CNOT6L: variants seen among roughly 807,000 people sequenced by gnomAD.
CNOT6L encodes the protein CCR4-NOT transcription complex subunit 6-like.
CNOT6L carries 7 observed loss-of-function variants against 64.0 expected under a neutral mutation model. The ratio of observed to expected loss-of-function variants is 0.11; its 90% CI spans 0.06 to 0.21. The LOEUF is 0.21. Among genes scored for constraint, CNOT6L ranks in the 10% least tolerant of loss-of-function variants. The pLI is 1.00. For synonymous variants in CNOT6L, 193 were observed against 243.4 expected (o/e 0.79, Z 1.93); for missense variants, 245 against 669.0 (o/e 0.37, Z 6.99).
At chr4:77,810,495 G>T (rs994656954) in intron 1 of CNOT6L, among the ~76,000 whole-genome samples, 3 of 151,886 alleles carry the variant, frequency 2.0e-5, no homozygotes, top group Non-Finnish European at 4.4e-5. Context: ...TATGGCAAAG[G>T]TTTGCTTACT....
At chr4:77,740,248 G>A (rs1242056909) in intron 8 of CNOT6L, among the ~76,000 whole-genome samples, 2 of 152,094 alleles carry the variant, frequency 1.3e-5, no homozygotes, top group East Asian at 3.9e-4. Flanking sequence ...GCATGCACGT[G>A]TAGTCTCAGC....
rs1324301504 is a variant in CNOT6L at position 77,717,951 on chromosome 4, CA to C, written c.*2479del. 2.6e-5 allele frequency: 4 copies of C among 152,492 alleles called. No homozygotes were observed. Among genetic ancestry groups the C allele is most frequent in the Non-Finnish European group, 1.5e-5 (1 of 68,002 alleles). 9.4% of individuals were successfully genotyped at this position (152,492 alleles called of 1,614,324 possible). A position where few individuals can be genotyped will look rare whatever the true frequency, so the allele number is the denominator to read the frequency against. On this transcript the variant is annotated 3_prime_UTR_variant, in exon 12 of 12. Coordinates refer to ENST00000504123, the MANE Select transcript of CNOT6L (RefSeq NM_144571.3). ...ATGGTTTGAAAGAGCGCATTTGAAG[CA>C]GAGAGAACCCAATTACACACCTTCC...
chr4:77,787,334 G>A (rs562299706), intron 1 of CNOT6L, among the ~76,000 whole-genome samples: 2 of 152,080 alleles, frequency 1.3e-5, no homozygotes, highest in South Asian at 2.1e-4. Flanking sequence ...TCCTTCATTC[G>A]CTTTTATTTT....
intron 9 of CNOT6L, 138 bp from the exon 10 acceptor site, chr4:77,729,219 A>C: frequency 2.3e-5 from 15 of 651,866 alleles, no homozygotes; most frequent in Non-Finnish European, 3.5e-5. Flanking sequence ...CTTTTATCTC[A>C]TAAAGTAATT....
At chr4:77,726,455 C>A in intron 10 of CNOT6L, 86 bp from the exon 11 acceptor site, 2 of 1,055,822 alleles carry the variant, frequency 1.9e-6, no homozygotes, top group Non-Finnish European at 2.7e-6. Context: ...CAGGTTAATC[C>A]ACCAGGCTCA....
chr4:77,779,473 G>A (rs981850526), intron 1 of CNOT6L, among the ~76,000 whole-genome samples: 1 of 151,674 alleles, frequency 6.6e-6, no homozygotes, highest in South Asian at 2.1e-4. Flanking sequence ...ATATTATATA[G>A]AACTAGATTT....
At chr4:77,751,600 G>A (rs1272303387) in intron 5 of CNOT6L, among the ~76,000 whole-genome samples, 4 of 152,074 alleles carry the variant, frequency 2.6e-5, no homozygotes, top group Middle Eastern at 3.2e-3. Flanking sequence ...AAGACAGATC[G>A]TAACTAAACT....
At chr4:77,779,063 C>CAAAAAAAAAAAAAAAAAAAAAA (rs879638003) in intron 1 of CNOT6L, among the ~76,000 whole-genome samples, 1 of 71,272 alleles carries the variant, frequency 1.4e-5, no homozygotes. Context: ...AAAAAAAAAA[C>CAAAAAAAAAAAAAAAAAAAAAA]AAAAAAAAAA....
intron 1 of CNOT6L, among the ~76,000 whole-genome samples, chr4:77,798,193 T>C (rs946326829): frequency 6.6e-6 from 1 of 152,144 alleles, no homozygotes; most frequent in African/African-American, 2.4e-5. Context: ...CAGGAGCCTA[T>C]AGTCCTAGTT....
At chr4:77,756,619 A>G (rs1273682649) in intron 5 of CNOT6L, among the ~76,000 whole-genome samples, 4 of 152,236 alleles carry the variant, frequency 2.6e-5, no homozygotes, top group Admixed American at 2.6e-4. Context: ...CTGTGAGTTA[A>G]AGTTCCTATG....
intron 1 of CNOT6L, among the ~76,000 whole-genome samples, chr4:77,781,161 C>T (rs752025488): frequency 1.3e-5 from 2 of 151,926 alleles, no homozygotes; most frequent in Non-Finnish European, 2.9e-5. Context: ...AGGGGAATAT[C>T]ACACACCAGG....
chr4:77,723,568 A>G (rs917865686), intron 11 of CNOT6L, among the ~76,000 whole-genome samples: 6 of 152,340 alleles, frequency 3.9e-5, no homozygotes, highest in Admixed American at 6.5e-5. Context: ...TAAGAGCTCA[A>G]TTCTCTCTAC....
At chr4:77,818,474 A>G (rs922702000) in intron 1 of CNOT6L, among the ~76,000 whole-genome samples, 2 of 152,220 alleles carry the variant, frequency 1.3e-5, no homozygotes, top group Admixed American at 1.3e-4. Flanking sequence ...TACCAACGGC[A>G]AAGTATTTGC....
chr4:77,819,383 G>A (rs1413527200), upstream of CNOT6L: 2 of 1,609,090 alleles, frequency 1.2e-6, no homozygotes, highest in Non-Finnish European at 8.5e-7. Flanking sequence ...ACACGCGCGC[G>A]CGCGCGCACC....
chr4:77,815,491 A>G (rs1443191808), intron 1 of CNOT6L, among the ~76,000 whole-genome samples: 1 of 151,774 alleles, frequency 6.6e-6, no homozygotes, highest in Admixed American at 6.6e-5. Flanking sequence ...ACCCAATTTT[A>G]CTCTTTGAAG....
intron 5 of CNOT6L, among the ~76,000 whole-genome samples, chr4:77,748,593 A>C (rs1350420641): frequency 6.6e-6 from 1 of 152,188 alleles, no homozygotes; most frequent in East Asian, 1.9e-4. Context: ...CAAGAAAATA[A>C]CATTAGGAAA....
At position 77,749,991 on chromosome 4, in the gene CNOT6L, C is replaced by T. The variant is rs1008024353; in HGVS notation, c.491-1607G>A. The stretch of plus-strand genomic sequence containing the variant: ...CAATAGTAAATGGCTAAATAATATC[C>T]ATTTTAAGAAAGTCTATGCTATAGT... On this transcript the variant is annotated intron_variant, in intron 5 of 11. Coordinates refer to ENST00000504123, the MANE Select transcript of CNOT6L (RefSeq NM_144571.3). 2.6e-5 allele frequency among the ~76,000 whole-genome samples: 4 copies of T among 152,080 alleles called. No homozygotes were observed. In the East Asian group the frequency reaches 7.7e-4, roughly 29 times the overall value.
chr4:77,780,851 T>G (rs2110080360), intron 1 of CNOT6L, among the ~76,000 whole-genome samples: 1 of 152,288 alleles, frequency 6.6e-6, no homozygotes, highest in East Asian at 1.9e-4. Context: ...TGGTCCCACC[T>G]AGTTGGGTGG....
chr4:77,725,969 G>C (rs1383710688), intron 11 of CNOT6L, 198 bp downstream of exon 11: 3 of 567,802 alleles, frequency 5.3e-6, no homozygotes, highest in Non-Finnish European at 9.3e-6. Context: ...ACAAGCAAGA[G>C]AGCAAGAAGA....
Sources: allele counts gnomAD v4.1 joint callset (sites outside exome capture counted in the v4.1 genomes callset), GRCh38; gene constraint gnomAD v4.1.1; transcripts MANE v1.5; gene names NCBI Gene and HGNC (gene_info 2026-07-23, HGNC 2026-07-21).